Variants in SPAG9 observed in about 807,000 individuals in gnomAD.
The protein encoded by SPAG9 is C-Jun-amino-terminal kinase-interacting protein 4.
In SPAG9, 35 loss-of-function variants were observed where a neutral mutation model predicts 166.5. The observed-to-expected ratio is 0.21, with a 90% CI of 0.16 to 0.28. The LOEUF is 0.28. SPAG9 is among the 10% of genes least tolerant of loss of function. The probability of loss-of-function intolerance (pLI) is 1.00; values close to 1 mark genes in which losing one functional copy is unlikely to be tolerated. For missense variants in SPAG9, 1,235 were observed against 1,603.3 expected, an observed-to-expected ratio of 0.77 and a Z score of 3.92; for synonymous variants, 534 against 565.5, an observed-to-expected ratio of 0.94 and a Z score of 0.79.
At chr17:50,973,953 C>A (rs1473642797) in intron 28 of SPAG9, among the ~76,000 whole-genome samples, 4 of 152,206 alleles carry the variant, frequency 2.6e-5, no homozygotes, top group Non-Finnish European at 5.9e-5. Context: ...CGCACATACA[C>A]ATGCATCCTA....
At chr17:51,060,505 TA>T (rs35700642) in intron 2 of SPAG9, among the ~76,000 whole-genome samples, 23,102 of 101,470 alleles carry the variant, frequency 0.23, 3,204 homozygotes, top group African/African-American at 0.45. Flanking sequence ...TTTGTCTTTT[TA>T]AAAAAAAAAA....
intron 5 of SPAG9, among the ~76,000 whole-genome samples, chr17:51,033,310 G>GAAAAAAAAAAAAAAAAAAAA: frequency 1.1e-5 from 1 of 86,982 alleles, no homozygotes; most frequent in Non-Finnish European, 2.4e-5. Context: ...GTCATTAAAT[G>GAAAAAAAAAAAAAAAAAAAA]AAAAAAAAAA....
At chr17:51,070,729 G>A (rs2144592886) in intron 2 of SPAG9, among the ~76,000 whole-genome samples, 1 of 152,166 alleles carries the variant, frequency 6.6e-6, no homozygotes, top group South Asian at 2.1e-4. Flanking sequence ...ATGCCAACCA[G>A]GTAAGGTTCA....
At chr17:51,005,411 G>A in intron 11 of SPAG9, 148 bp from the exon 12 acceptor site, 1 of 665,308 alleles carries the variant, frequency 1.5e-6, no homozygotes, top group South Asian at 1.8e-5. Flanking sequence ...ATTTGGTGGA[G>A]TATCATCATA....
chr17:51,029,764 T>G (rs1259462302), intron 6 of SPAG9, among the ~76,000 whole-genome samples: 3 of 152,178 alleles, frequency 2.0e-5, no homozygotes, highest in Admixed American at 1.3e-4. Flanking sequence ...GGGGCTACAG[T>G]AGTTGGAAAG....
chr17:50,982,687 A>C lies in SPAG9; in HGVS notation c.3089-15T>G. On this transcript the variant is annotated splice_polypyrimidine_tract_variant and intron_variant, in intron 24 of 29. Transcript: ENST00000262013. Reference sequence around the variant, plus strand: ...CCACTGCCCATCTTTAAAAAAAATAAAAGGTTATAGTAAATACATACCACC... The same window carrying C: ...CCACTGCCCATCTTTAAAAAAAATACAAGGTTATAGTAAATACATACCACC... The C allele has an allele frequency of 6.3e-7, 1 of 1,597,980 alleles. No homozygotes were observed. Among genetic ancestry groups the C allele is most frequent in the African/African-American group, 1.4e-5 (1 of 73,986 alleles).
intron 2 of SPAG9, among the ~76,000 whole-genome samples, chr17:51,078,768 C>A (rs569784855): frequency 6.6e-6 from 1 of 151,646 alleles, no homozygotes; most frequent in Non-Finnish European, 1.5e-5. Context: ...TCTATTCCCC[C>A]CAAATGGCCC....
At chr17:51,042,621 CTAAG>C (rs1332898103) in intron 4 of SPAG9, 2 of 152,120 alleles carry the variant, frequency 1.3e-5, no homozygotes, top group Non-Finnish European at 2.9e-5. Flanking sequence ...TTCAGTTTTG[CTAAG>C]TAAGTCTTTA....
At chr17:51,000,906 G>T (rs1567982873) in intron 13 of SPAG9, among the ~76,000 whole-genome samples, 1 of 152,050 alleles carries the variant, frequency 6.6e-6, no homozygotes, top group Non-Finnish European at 1.5e-5. Flanking sequence ...AATAAATATA[G>T]ATTAGAATAC....
At chr17:51,046,455 A>T in intron 4 of SPAG9, 1 of 1,408,532 alleles carries the variant, frequency 7.1e-7, no homozygotes, top group Non-Finnish European at 9.6e-7. Context: ...CTAAAAATTT[A>T]ATAAAAACCA....
intron 6 of SPAG9, among the ~76,000 whole-genome samples, chr17:51,023,932 C>G (rs947284839): frequency 2.6e-5 from 4 of 152,194 alleles, no homozygotes; most frequent in Non-Finnish European, 4.4e-5. Context: ...TCCCAAAGTG[C>G]TGGGATTACA....
At chr17:50,990,231 T>TG (rs2143819327) in intron 20 of SPAG9, 1 of 547,444 alleles carries the variant, frequency 1.8e-6, no homozygotes, top group East Asian at 3.3e-5. Context: ...GGTTTCACTG[T>TG]GTTAGCCAGG....
rs368651192 is a variant in SPAG9 at position 50,985,661 on chromosome 17, T to A, written c.3020+37A>T. ...AAAATCTAGTTTATACCAAAATGCA[T>A]AGTTTTAACAAGAAGAATTTCCAAA... On this transcript the variant is annotated intron_variant, in intron 23 of 29. Coordinates refer to ENST00000262013, the MANE Select transcript of SPAG9 (RefSeq NM_001130528.3). 33 of 1,202,986 alleles carry A rather than the reference T, an allele frequency of 2.7e-5. 1 individual carries two copies. The South Asian group carries it at 4.3e-4, about 16-fold the overall frequency. 74.5% of individuals were successfully genotyped at this position (1,202,986 alleles called of 1,614,324 possible). A position where few individuals can be genotyped will look rare whatever the true frequency, so the allele number is the denominator to read the frequency against.
rs1219720393 is a variant in SPAG9, at chr17:50,964,669, G to C, written c.*1603C>G. 1 of 436,640 alleles carries C rather than the reference G, an allele frequency of 2.3e-6. No homozygotes were observed. Among genetic ancestry groups the C allele is most frequent in the Non-Finnish European group, 4.6e-6 (1 of 216,642 alleles). The allele number at this position is 436,640 out of a possible 1,614,324, so 27.0% of individuals were successfully genotyped here. On this transcript the variant is annotated 3_prime_UTR_variant, in exon 30 of 30. Coordinates refer to ENST00000262013, the MANE Select transcript of SPAG9 (RefSeq NM_001130528.3). Reference sequence around the variant, plus strand: ...TAAATCACACATTTTCAAGAAGCTTGAGAGGGAAAAAATTGCAGCATCGTG... The same window carrying C: ...TAAATCACACATTTTCAAGAAGCTTCAGAGGGAAAAAATTGCAGCATCGTG...
At chr17:50,986,992 T>C in intron 22 of SPAG9, 120 bp downstream of exon 22, 3 of 906,700 alleles carry the variant, frequency 3.3e-6, no homozygotes, top group Non-Finnish European at 5.0e-6. Context: ...TGTGTGTATA[T>C]ATAAAATTCT....
At chr17:51,055,598 AAAAC>A (rs1233916671) in intron 3 of SPAG9, among the ~76,000 whole-genome samples, 5 of 152,192 alleles carry the variant, frequency 3.3e-5, no homozygotes, top group Admixed American at 1.3e-4. Flanking sequence ...GGGAGAAAAA[AAAAC>A]AAACAAAAAA....
intron 9 of SPAG9, among the ~76,000 whole-genome samples, chr17:51,010,046 T>C (rs1342350825): frequency 6.6e-6 from 1 of 152,020 alleles, no homozygotes; most frequent in Admixed American, 6.6e-5. Flanking sequence ...ACTTTACTTA[T>C]TAAAAACAAG....
chr17:50,985,379 G>GC (rs1169176787), intron 23 of SPAG9, among the ~76,000 whole-genome samples: 3 of 152,028 alleles, frequency 2.0e-5, no homozygotes, highest in African/African-American at 7.3e-5. Context: ...AGTAATCAAT[G>GC]CCCCAATCAA....
chr17:50,966,200 A>C lies in SPAG9; in HGVS notation c.*72T>G. On this transcript the variant is annotated 3_prime_UTR_variant, in exon 30 of 30. Transcript: ENST00000262013. Reference sequence around the variant, plus strand: ...AAACTTATCTCACAAAAGAGCATTAAATAAAAGGATAGAGGGAAAATAAAC... The same window carrying C: ...AAACTTATCTCACAAAAGAGCATTACATAAAAGGATAGAGGGAAAATAAAC... 1.1e-6 allele frequency: 1 copy of C among 929,156 alleles called. No homozygotes were observed. Among genetic ancestry groups the C allele is most frequent in the Non-Finnish European group, 1.8e-6 (1 of 560,244 alleles). 57.6% of individuals were successfully genotyped at this position (929,156 alleles called of 1,614,324 possible).
Sources: gnomAD v4.1 joint callset for allele counts (sites outside exome capture counted in the v4.1 genomes callset) on GRCh38, gnomAD v4.1.1 for gene constraint, MANE v1.5 for transcripts, NCBI Gene and HGNC (gene_info 2026-07-23, HGNC 2026-07-21) for gene names.